Variants in TMC2 observed in about 807,000 individuals in gnomAD.
The protein encoded by TMC2 is transmembrane channel like 2, also known as transmembrane channel-like protein 2.
Under a neutral mutation model 105.9 loss-of-function variants are expected in TMC2, and 102 were observed. The ratio of observed to expected loss-of-function variants is 0.96; its 90% CI spans 0.82 to 1.14. The LOEUF (loss-of-function observed/expected upper bound fraction) is 1.14, where lower values mean the gene tolerates loss of function less well. TMC2 is among the 50% of genes most tolerant of loss of function. The pLI, the probability that TMC2 is intolerant of heterozygous loss-of-function variation, is 0.00. For missense variants in TMC2, 1,093 were observed against 1,134.3 expected, an observed-to-expected ratio of 0.96 and a Z score of 0.52; for synonymous variants, 402 against 422.8, an observed-to-expected ratio of 0.95 and a Z score of 0.60.
At chr20:2,593,472 T>G (rs2086283294) in intron 8 of TMC2, among the ~76,000 whole-genome samples, 2 of 152,224 alleles carry the variant, frequency 1.3e-5, no homozygotes, top group South Asian at 2.1e-4. Context: ...GAGTTTTTCA[T>G]CCTTCAAGAT....
intron 19 of TMC2, among the ~76,000 whole-genome samples, chr20:2,638,414 A>G (rs2086665133): frequency 6.6e-6 from 1 of 152,150 alleles, no homozygotes; most frequent in Non-Finnish European, 1.5e-5. Context: ...CTCAATAATG[A>G]TAATAATTAT....
Position 2,594,925 on chromosome 20 carries a change from G to T in TMC2, c.1034G>T (p.Gly345Val). The T allele has an allele frequency of 6.2e-7, 1 of 1,614,108 alleles. No homozygotes were observed. The highest frequency in any genetic ancestry group is 8.5e-7 in the Non-Finnish European group (1 of 1,180,012). Residue 345 changes from glycine (G) to valine (V), a missense_variant, in exon 9 of 20, where the codon GGG (glycine) becomes GTG (valine). Physicochemically the swap from Gly to Val is moderately radical, Grantham distance 109. Coordinates refer to ENST00000358864, the MANE Select transcript of TMC2 (RefSeq NM_080751.3). ...CTGCCTATGGCTTACTTTATGGTGG[G>T]GGTCAGCGTGTTCGGCTACAGCCTG... is the stretch of plus-strand genomic sequence containing the variant. ...YRLPMAYFMV[G>V]VSVFGYSLII...
intron 3 of TMC2, among the ~76,000 whole-genome samples, chr20:2,561,607 G>C (rs528368918): frequency 1.3e-5 from 2 of 152,204 alleles, no homozygotes; most frequent in Non-Finnish European, 2.9e-5. Context: ...TCCTATTTCT[G>C]TTGGGGAACA....
chr20:2,574,874 C>T (rs923156901), intron 5 of TMC2, among the ~76,000 whole-genome samples: 3 of 151,850 alleles, frequency 2.0e-5, no homozygotes, highest in Non-Finnish European at 1.5e-5. Flanking sequence ...TATGGGCATG[C>T]GCCACCATAC....
In TMC2 at chr20:2,579,444, C is replaced by T. The variant is rs189202910; in HGVS notation, c.727+217C>T. Among the ~76,000 whole-genome samples the T allele has an allele frequency of 2.7e-3, 401 of 150,316 alleles. 2 individuals carry two copies. Among genetic ancestry groups the T allele is most frequent in the African/African-American group, 9.3e-3 (379 of 40,930 alleles). The stretch of plus-strand genomic sequence containing the variant: ...TATTTATTTTTATTTATTTTTGAGA[C>T]AGAGTCTCGCTCTGTTGCCCAGGCT... On this transcript the variant is annotated intron_variant, in intron 6 of 19. Transcript: ENST00000358864.
intron 17 of TMC2, among the ~76,000 whole-genome samples, chr20:2,626,194 T>A (rs1217599777): frequency 6.6e-6 from 1 of 152,236 alleles, no homozygotes; most frequent in Non-Finnish European, 1.5e-5. Context: ...TATTATTACA[T>A]AAGAAACAAC....
rs771313375 is a variant in TMC2, at chr20:2,641,173, A to ACAAGAAGG, written c.2545_2552dup (p.Gln852ArgfsTer61). ...TCTGCCAGCCAAAGCCAGGCCATGG[A>ACAAGAAGG]CAAGAAGGCGCAGGGCCCTGGGACC... On this transcript the variant is annotated frameshift_variant, in exon 20 of 20. Transcript: ENST00000358864. LOFTEE classifies it low-confidence loss of function (END_TRUNC). The ACAAGAAGG allele has an allele frequency of 7.2e-5, 117 of 1,613,990 alleles. No homozygotes were observed. The African/African-American group carries it at 1.4e-3, about 19-fold the overall frequency.
At chr20:2,638,800 C>G (rs1475265602) in intron 19 of TMC2, among the ~76,000 whole-genome samples, 1 of 152,038 alleles carries the variant, frequency 6.6e-6, no homozygotes, top group Non-Finnish European at 1.5e-5. Flanking sequence ...TATTTTTGTA[C>G]AGGTGGTCAG....
chr20:2,601,731 T>C (rs2086353039), intron 10 of TMC2, among the ~76,000 whole-genome samples: 2 of 151,988 alleles, frequency 1.3e-5, no homozygotes, highest in South Asian at 4.2e-4. Context: ...TCCCAGCTAC[T>C]CGGGAGGCTG....
chr20:2,629,519 C>A (rs2086587890), intron 17 of TMC2, among the ~76,000 whole-genome samples: 1 of 65,480 alleles, frequency 1.5e-5, no homozygotes, highest in Admixed American at 2.4e-4. Flanking sequence ...TTATTGATTT[C>A]TTACAGAAGT....
rs6115242 is a variant in TMC2 at position 2,637,534 on chromosome 20, G to C, written c.2446G>C (p.Glu816Gln). 3,054 of 1,614,104 alleles carry C rather than the reference G, an allele frequency of 1.9e-3. 56 individuals are homozygous for C. In the African/African-American group the frequency reaches 0.037, roughly 19 times the overall value. ...VKGKATARDSEDTPKSSSKNA... is the reference protein window; with the variant it reads ...VKGKATARDSQDTPKSSSKNA... ...AGGCAAAGCCACAGCCAGAGATTCA[G>C]AGGACACACCTAAAAGCAGCTCCAA... Residue 816 changes from glutamate to glutamine, a missense_variant, in exon 19 of 20, where the codon GAG (glutamate) becomes CAG (glutamine). Glu to Gln is a conservative substitution (Grantham distance 29). Coordinates refer to ENST00000358864, the MANE Select transcript of TMC2 (RefSeq NM_080751.3).
intron 10 of TMC2, among the ~76,000 whole-genome samples, chr20:2,598,849 G>T (rs1024870980): frequency 6.6e-6 from 1 of 151,844 alleles, no homozygotes; most frequent in Non-Finnish European, 1.5e-5. Context: ...AGGCATGGGG[G>T]GTTCTGAAAA....
At chr20:2,571,498 T>C (rs1340113932) in intron 4 of TMC2, among the ~76,000 whole-genome samples, 1 of 152,070 alleles carries the variant, frequency 6.6e-6, no homozygotes, top group Non-Finnish European at 1.5e-5. Context: ...AGTCAAAACC[T>C]AACAGATGCT....
chr20:2,607,122 G>A (rs78216365), intron 11 of TMC2, among the ~76,000 whole-genome samples: 5 of 151,656 alleles, frequency 3.3e-5, no homozygotes, highest in Non-Finnish European at 5.9e-5. Context: ...CTTTGTATGG[G>A]ATTTGACCTA....
chr20:2,630,196 A>AG (rs993846115), intron 17 of TMC2, among the ~76,000 whole-genome samples: 53 of 152,342 alleles, frequency 3.5e-4, no homozygotes, highest in Non-Finnish European at 7.1e-4. Flanking sequence ...GCTCAGGAAA[A>AG]GGAGTCGATT....
intron 11 of TMC2, among the ~76,000 whole-genome samples, chr20:2,608,075 G>C (rs1164601492): frequency 6.7e-6 from 1 of 149,582 alleles, no homozygotes; most frequent in East Asian, 2.0e-4. Context: ...AGTGAGCCAA[G>C]ACTGCGCCAT....
chr20:2,641,197 C>A lies in TMC2; in HGVS notation c.2567C>A (p.Thr856Asn). ...AMDKKAQGPG[T>N]SNSASRTTLP... is the part of the protein sequence containing the mutation. ...GACAAGAAGGCGCAGGGCCCTGGGA[C>A]CTCCAATTCTGCCAGCAGGACCACA... The change falls in exon 20 of 20, where the codon ACC becomes AAC. Residue 856 changes from threonine to asparagine, a missense_variant. Physicochemically the swap from Thr to Asn is moderately conservative, Grantham distance 65. Transcript: ENST00000358864. 6.2e-7 allele frequency: 1 copy of A among 1,614,222 alleles called. No homozygotes were observed. The highest frequency in any genetic ancestry group is 8.5e-7 in the Non-Finnish European group (1 of 1,180,048).
At chr20:2,608,137 G>A (rs866124499) in intron 11 of TMC2, among the ~76,000 whole-genome samples, 15,842 of 142,244 alleles carry the variant, frequency 0.11, 2,399 homozygotes, top group African/African-American at 0.34. Flanking sequence ...AAAAAAAAAA[G>A]AAAAAAAGAA....
At chr20:2,608,531 T>C (rs1337271105) in intron 11 of TMC2, among the ~76,000 whole-genome samples, 1 of 152,070 alleles carries the variant, frequency 6.6e-6, no homozygotes, top group Non-Finnish European at 1.5e-5. Flanking sequence ...TTTTGCCATG[T>C]TGGCCAGGCT....
Sources: gnomAD v4.1 joint callset for allele counts (sites outside exome capture counted in the v4.1 genomes callset) on GRCh38, gnomAD v4.1.1 for gene constraint, MANE v1.5 for transcripts, NCBI Gene and HGNC (gene_info 2026-07-23, HGNC 2026-07-21) for gene names.